MYOC: variants seen among roughly 807,000 people sequenced by gnomAD.
The protein encoded by MYOC is myocilin, also known as juvenile-onset open-angle glaucoma 1.
A neutral mutation model predicts 28.2 loss-of-function variants in MYOC; 29 were observed. The observed-to-expected ratio is 1.03, with a 90% CI of 0.77 to 1.40. MYOC has a LOEUF of 1.40. Ranked by LOEUF, MYOC falls within the 40% of genes most tolerant of loss-of-function variation. The probability of loss-of-function intolerance (pLI) is 0.00; values close to 1 mark genes in which losing one functional copy is unlikely to be tolerated. For synonymous variants in MYOC, 240 were observed against 245.6 expected (o/e 0.98, Z 0.21); for missense variants, 569 against 620.6 (o/e 0.92, Z 0.88).
At chr1:171,636,822 CA>C in intron 2 of MYOC, 113 bp from the exon 3 acceptor site, 1 of 1,193,708 alleles carries the variant, frequency 8.4e-7, no homozygotes, top group East Asian at 2.4e-5. Context: ...GCCCTGGAGA[CA>C]AATCGTCTGG....
At chr1:171,648,662 T>G (rs1415785738) in intron 1 of MYOC, among the ~76,000 whole-genome samples, 2 of 147,910 alleles carry the variant, frequency 1.4e-5, no homozygotes, top group Non-Finnish European at 1.5e-5. Flanking sequence ...ATATATATAA[T>G]TATATATATT....
chr1:171,638,518 T>C, intron 2 of MYOC, 79 bp downstream of exon 2: 2 of 1,570,532 alleles, frequency 1.3e-6, no homozygotes, highest in Non-Finnish European at 1.8e-6. Flanking sequence ...GCATTTACCC[T>C]ATACTGATTC....
At chr1:171,638,521 A>G in intron 2 of MYOC, 76 bp downstream of exon 2, 1 of 1,577,646 alleles carries the variant, frequency 6.3e-7, no homozygotes, top group Non-Finnish European at 8.7e-7. Flanking sequence ...TTTACCCTAT[A>G]CTGATTCTCT....
Position 171,636,692 on chromosome 1 carries a change from A to T in MYOC, c.748T>A (p.Trp250Arg). Reference sequence around the variant, plus strand: ...CTCAGCGTGAGAGGCTCTCCTACCCAAACTAGTTCTCCACATCCTGGTAAA... The same window carrying T: ...CTCAGCGTGAGAGGCTCTCCTACCCTAACTAGTTCTCCACATCCTGGTAAA... The part of the protein sequence containing the change: ...EGDTGCGELV[W>R]VGEPLTLRTA... The change falls in exon 3 of 3, where the codon TGG becomes AGG. Residue 250 changes from tryptophan to arginine, a missense_variant. Physicochemically the swap from Trp to Arg is moderately radical, Grantham distance 101. Transcript: ENST00000037502. 6.2e-7 allele frequency: 1 copy of T among 1,602,430 alleles called. No individual in the cohort carries two copies.
intron 1 of MYOC, among the ~76,000 whole-genome samples, chr1:171,649,443 C>G (rs959756717): frequency 2.0e-5 from 3 of 152,206 alleles, no homozygotes; most frequent in Non-Finnish European, 2.9e-5. Flanking sequence ...CTGTACCTTT[C>G]TGTCTTTTAC....
chr1:171,650,172 A>T (rs552938800), intron 1 of MYOC, among the ~76,000 whole-genome samples: 1 of 152,154 alleles, frequency 6.6e-6, no homozygotes, highest in Non-Finnish European at 1.5e-5. Flanking sequence ...AGAAAAAAAA[A>T]GGCAAAACAT....
Position 171,652,362 on chromosome 1 carries a change from C to T in MYOC, c.250G>A (p.Asp84Asn). The T allele has an allele frequency of 1.9e-6, 3 of 1,612,130 alleles. No homozygotes were observed. Among genetic ancestry groups the T allele is most frequent in the Non-Finnish European group, 2.5e-6 (3 of 1,178,424 alleles). ...AGTCGAGCTTTGGTGGCCTCCAGGT[C>T]TAAGCGTTGGGTGCTGCTGTCTCTC... ...LQRDSSTQRL[D>N]LEATKARLSS... Residue 84 changes from aspartate (D) to asparagine (N), a missense_variant, in exon 1 of 3, where the codon GAC (aspartate) becomes AAC (asparagine). Asp to Asn is a conservative substitution (Grantham distance 23, BLOSUM62 1). Transcript: ENST00000037502.
At chr1:171,639,330 G>A (rs1653017064) in intron 1 of MYOC, among the ~76,000 whole-genome samples, 1 of 151,996 alleles carries the variant, frequency 6.6e-6, no homozygotes, top group Non-Finnish European at 1.5e-5. Context: ...ATAAATTGCA[G>A]GGCAATGTGC....
chr1:171,638,540 C>G lies in MYOC; in HGVS notation c.730+57G>C, dbSNP rs890715592. 2.5e-6 allele frequency: 4 copies of G among 1,604,038 alleles called. No individual in the cohort carries two copies. In the East Asian group the frequency reaches 9.0e-5, roughly 36 times the overall value. ...CCCTATACTGATTCTCTGAACACAG[C>G]ACTAGACATGAATAAAGACCACGTG... On this transcript the variant is annotated intron_variant, in intron 2 of 2. Transcript: ENST00000037502.
Position 171,635,580 on chromosome 1 carries a change from G to T in MYOC, c.*345C>A. 1 of 432,386 alleles carries T rather than the reference G, an allele frequency of 2.3e-6. No individual in the cohort carries two copies. Among genetic ancestry groups the T allele is most frequent in the Non-Finnish European group, 4.3e-6 (1 of 234,416 alleles). The allele number at this position is 432,386 out of a possible 1,614,324, so 26.8% of individuals were successfully genotyped here. A position where few individuals can be genotyped will look rare whatever the true frequency, so the allele number is the denominator to read the frequency against. ...TTTAGAAGTTATGCTTTTTATTGTGGCTTGTGGTAACCATGTAACATGCAA... is the reference window on the plus strand; with the variant it reads ...TTTAGAAGTTATGCTTTTTATTGTGTCTTGTGGTAACCATGTAACATGCAA... On this transcript the variant is annotated 3_prime_UTR_variant, in exon 3 of 3. Coordinates refer to ENST00000037502, the MANE Select transcript of MYOC (RefSeq NM_000261.2).
At chr1:171,646,870 C>T (rs1359068820) in intron 1 of MYOC, among the ~76,000 whole-genome samples, 2 of 152,160 alleles carry the variant, frequency 1.3e-5, no homozygotes, top group Non-Finnish European at 2.9e-5. Context: ...TTACAAAATT[C>T]TGGAAATGTT....
rs2102944438 is a variant in MYOC at position 171,635,944 on chromosome 1, A to C, written c.1496T>G (p.Ile499Ser). The change falls in exon 3 of 3, where the codon ATC becomes AGC. Residue 499 changes from isoleucine to serine, a missense_variant. Physicochemically the swap from Ile to Ser is moderately radical, Grantham distance 142. Transcript: ENST00000037502. ...WDNLNMVTYDIKLSKM is the reference protein window; with the variant it reads ...WDNLNMVTYDSKLSKM ...GGCTTTTCACATCTTGGAGAGCTTG[A>C]TGTCATAAGTGACCATGTTCAAGTT... The C allele has an allele frequency of 1.2e-6, 2 of 1,614,112 alleles. No individual in the cohort carries two copies. The highest frequency in any genetic ancestry group is 1.7e-6 in the Non-Finnish European group (2 of 1,180,016).
chr1:171,642,487 C>T (rs1007017123), intron 1 of MYOC, among the ~76,000 whole-genome samples: 1 of 151,880 alleles, frequency 6.6e-6, no homozygotes, highest in African/African-American at 2.4e-5. Flanking sequence ...GTGGTGCAGT[C>T]TGTGGTCTCA....
At position 171,635,888 on chromosome 1, in the gene MYOC, T is replaced by C; in HGVS notation, c.*37A>G. 1 of 1,611,150 alleles carries C rather than the reference T, an allele frequency of 6.2e-7. No individual in the cohort carries two copies. Among genetic ancestry groups the C allele is most frequent in the Non-Finnish European group, 8.5e-7 (1 of 1,178,268 alleles). On this transcript the variant is annotated 3_prime_UTR_variant, in exon 3 of 3. Coordinates refer to ENST00000037502, the MANE Select transcript of MYOC (RefSeq NM_000261.2). Reference sequence around the variant, plus strand: ...CTGCTCCCCCCAGGAGCCCTGAGCATCTCCTTCTGCCATTGCCTGTACAGC... The same window carrying C: ...CTGCTCCCCCCAGGAGCCCTGAGCACCTCCTTCTGCCATTGCCTGTACAGC...
At chr1:171,644,595 T>G (rs963554730) in intron 1 of MYOC, among the ~76,000 whole-genome samples, 9 of 108,002 alleles carry the variant, frequency 8.3e-5, no homozygotes, top group South Asian at 3.0e-4. Flanking sequence ...TTTTTTTTTT[T>G]TGTGAAACAA....
At chr1:171,649,423 C>G (rs1018077363) in intron 1 of MYOC, among the ~76,000 whole-genome samples, 1 of 152,172 alleles carries the variant, frequency 6.6e-6, no homozygotes, top group African/African-American at 2.4e-5. Flanking sequence ...ATCTTTTGTT[C>G]CAAGCATTCC....
intron 1 of MYOC, among the ~76,000 whole-genome samples, chr1:171,646,936 G>A (rs187191607): frequency 2.1e-4 from 32 of 151,964 alleles, no homozygotes; most frequent in Admixed American, 7.2e-4. Context: ...ACCTCAACCC[G>A]GAAACTGAAT....
intron 1 of MYOC, among the ~76,000 whole-genome samples, chr1:171,642,047 GA>G: frequency 6.6e-6 from 1 of 152,296 alleles, no homozygotes; most frequent in Non-Finnish European, 1.5e-5. Flanking sequence ...TATAGTACTG[GA>G]AAAAATTTCT....
At chr1:171,648,523 A>G (rs1349009976) in intron 1 of MYOC, among the ~76,000 whole-genome samples, 1 of 152,016 alleles carries the variant, frequency 6.6e-6, no homozygotes, top group Non-Finnish European at 1.5e-5. Flanking sequence ...GCTCTGTTCA[A>G]CAGGAGACCA....
Sources: gnomAD v4.1 joint callset for allele counts (sites outside exome capture counted in the v4.1 genomes callset) on GRCh38, gnomAD v4.1.1 for gene constraint, MANE v1.5 for transcripts, NCBI Gene and HGNC (gene_info 2026-07-23, HGNC 2026-07-21) for gene names.